Variants in ACOX3 observed in about 807,000 individuals in gnomAD.
ACOX3 encodes the protein acyl-CoA oxidase 3, pristanoyl.
In ACOX3, 73 loss-of-function variants were observed where a neutral mutation model predicts 81.5. The ratio of observed to expected loss-of-function variants is 0.90; its 90% CI spans 0.74 to 1.09. The LOEUF (loss-of-function observed/expected upper bound fraction) is 1.09, where lower values mean the gene tolerates loss of function less well. Among genes scored for constraint, ACOX3 ranks in the 50% least tolerant of loss-of-function variants. The pLI is 0.00. For synonymous variants in ACOX3, 387 were observed against 375.1 expected, an observed-to-expected ratio of 1.03 and a Z score of -0.37; for missense variants, 947 against 928.0, an observed-to-expected ratio of 1.02 and a Z score of -0.27.
In ACOX3 at chr4:8,415,783, A is replaced by G; in HGVS notation, c.361T>C (p.Tyr121His). The change falls in exon 3 of 18, where the codon TAC becomes CAC. Residue 121 changes from tyrosine to histidine, a missense_variant. Physicochemically the swap from Tyr to His is moderately conservative, Grantham distance 83. Transcript: ENST00000356406. ...ATGCTCACCAAGCTATGGAGGAGGT[A>G]CTTGGCAGCCAGAGAAGAGTCATAC... The part of the protein sequence containing the change: ...GMYDSSLAAK[Y>H]LLHSLVFGSA... 6.2e-7 allele frequency: 1 copy of G among 1,614,032 alleles called. No individual in the cohort carries two copies. Among genetic ancestry groups the G allele is most frequent in the Non-Finnish European group, 8.5e-7 (1 of 1,179,954 alleles).
rs528283456 is a variant in ACOX3 at position 8,416,576 on chromosome 4, A to G, written c.-14-41T>C. On this transcript the variant is annotated intron_variant, in intron 1 of 17. Coordinates refer to ENST00000356406, the MANE Select transcript of ACOX3 (RefSeq NM_003501.3). The surrounding 1 kb of genome is among the most constrained non-coding windows in gnomAD (Gnocchi z 4.2). ...AACCTGAATCCATGCTCTCCCATCT[A>G]TGGGTTCAAACTACCCCCACCAACA... The G allele has an allele frequency of 1.3e-6, 2 of 1,524,598 alleles. No individual in the cohort carries two copies. The highest frequency in any genetic ancestry group is 2.3e-5 in the East Asian group (1 of 43,506). The allele number at this position is 1,524,598 out of a possible 1,614,324, so 94.4% of individuals were successfully genotyped here.
rs896106484 is a variant in ACOX3, at chr4:8,407,594, C to T, written c.688-1551G>A. On this transcript the variant is annotated intron_variant, in intron 6 of 17. Coordinates refer to ENST00000356406, the MANE Select transcript of ACOX3 (RefSeq NM_003501.3). This position sits in a 1 kb window ranked among gnomAD's most constrained non-coding sequence, Gnocchi z 4.6. ...CTGTGGCAGCCATGAGAGACTAACA[C>T]GGGGGCCGGTGCTGCCGGGAGGACG... is the stretch of plus-strand genomic sequence containing the variant. 1.5e-4 allele frequency among the ~76,000 whole-genome samples: 23 copies of T among 152,334 alleles called. No individual in the cohort carries two copies. Among genetic ancestry groups the T allele is most frequent in the African/African-American group, 3.4e-4 (14 of 41,578 alleles).
At chr4:8,439,617 T>C (rs760814825) in intron 1 of ACOX3, among the ~76,000 whole-genome samples, 1 of 152,228 alleles carries the variant, frequency 6.6e-6, no homozygotes, top group Non-Finnish European at 1.5e-5. Flanking sequence ...GTAAAAAAAC[T>C]AACCTGCTTA....
At position 8,375,156 on chromosome 4, in the gene ACOX3, G is replaced by A. The variant is rs1188612716; in HGVS notation, c.1654-4C>T. 1 of 1,539,186 alleles carries A rather than the reference G, an allele frequency of 6.5e-7. No individual in the cohort carries two copies. The highest frequency in any genetic ancestry group is 8.8e-7 in the Non-Finnish European group (1 of 1,138,566). Reference sequence around the variant, plus strand: ...CCAACGGACGGCCGTGGGACACCTGGAACACAGGACGGCACCGTGAGGACC... The same window carrying A: ...CCAACGGACGGCCGTGGGACACCTGAAACACAGGACGGCACCGTGAGGACC... On this transcript the variant is annotated splice_polypyrimidine_tract_variant and splice_region_variant and intron_variant, in intron 14 of 17. Coordinates refer to ENST00000356406, the MANE Select transcript of ACOX3 (RefSeq NM_003501.3).
chr4:8,359,103 A>G, the ACOX3 span, among the ~76,000 whole-genome samples: 1 of 152,098 alleles, frequency 6.6e-6, no homozygotes, highest in African/African-American at 2.4e-5. This position sits in a 1 kb window ranked among gnomAD's most constrained non-coding sequence, Gnocchi z 6.0. Context: ...CTTTCTGGCG[A>G]CCACAGAAGT....
At chr4:8,435,892 G>T (rs1440057877) in intron 1 of ACOX3, among the ~76,000 whole-genome samples, 2 of 152,072 alleles carry the variant, frequency 1.3e-5, no homozygotes, top group East Asian at 3.9e-4. Context: ...TGAGAAACGA[G>T]ATTAAGGAGC....
In ACOX3 at chr4:8,431,107, C is replaced by G. The variant is rs552252112; in HGVS notation, c.-15+9541G>C. Among the ~76,000 whole-genome samples, 1 of 152,262 alleles carries G rather than the reference C, an allele frequency of 6.6e-6. No homozygotes were observed. Among genetic ancestry groups the G allele is most frequent in the East Asian group, 1.9e-4 (1 of 5,184 alleles). ...TTCTATTTAAGTTAGGGCATCATCA[C>G]AAAATGACATGGAGAAAACAAAGCA... On this transcript the variant is annotated intron_variant, in intron 1 of 17. Transcript: ENST00000356406. This position sits in a 1 kb window ranked among gnomAD's most constrained non-coding sequence, Gnocchi z 5.3.
At chr4:8,395,363 C>CGTGGACAGGTGGGTGGATGT (rs1719577900) in intron 9 of ACOX3, among the ~76,000 whole-genome samples, 1 of 76,626 alleles carries the variant, frequency 1.3e-5, no homozygotes, top group African/African-American at 5.2e-5. Flanking sequence ...TGGGTGGATG[C>CGTGGACAGGTGGGTGGATGT]GTGGACAGGT....
At chr4:8,373,936 C>A in intron 15 of ACOX3, 1 of 423,324 alleles carries the variant, frequency 2.4e-6, no homozygotes, top group Non-Finnish European at 4.3e-6. Context: ...TTCAGGGAGG[C>A]TGGGCGGGTT....
chr4:8,410,181 G>A, intron 6 of ACOX3, 31 bp downstream of exon 6: 1 of 1,603,974 alleles, frequency 6.2e-7, no homozygotes, highest in Non-Finnish European at 8.5e-7. Context: ...GGTAAACACT[G>A]CCCCCACTGA....
rs2108934476 is a variant in ACOX3, at chr4:8,406,680, C to G, written c.688-637G>C. Among the ~76,000 whole-genome samples, 1 of 152,322 alleles carries G rather than the reference C, an allele frequency of 6.6e-6. No homozygotes were observed. On this transcript the variant is annotated intron_variant, in intron 6 of 17. Transcript: ENST00000356406. This position sits in a 1 kb window ranked among gnomAD's most constrained non-coding sequence, Gnocchi z 5.6. ...CCACTGGACAGGGGGCCCTTCCCTG[C>G]CTGGCAGCTGAGGCAGAGAGAGAGA...
the ACOX3 span, chr4:8,356,562 A>C: frequency 2.2e-6 from 1 of 456,450 alleles, no homozygotes; most frequent in Middle Eastern, 3.3e-4. Context: ...TGAAAGGAAA[A>C]CCACACACAC....
the ACOX3 span, chr4:8,357,298 C>T: frequency 2.2e-6 from 1 of 455,650 alleles, no homozygotes; most frequent in Non-Finnish European, 4.4e-6. Flanking sequence ...GCAGGGAGGA[C>T]TCTGGGGCAG....
Position 8,431,166 on chromosome 4 carries a change from C to T in ACOX3, c.-15+9482G>A, listed in dbSNP as rs1228214073. Among the ~76,000 whole-genome samples, 2 of 152,050 alleles carry T rather than the reference C, an allele frequency of 1.3e-5. No homozygotes were observed. The highest frequency in any genetic ancestry group is 2.9e-5 in the Non-Finnish European group (2 of 68,002). ...CAGCCTTGGCCAGGTCCTCAGGCTCCCCTCCCTTCTCTGCCTGTCCCTTTT... is the reference window on the plus strand; with the variant it reads ...CAGCCTTGGCCAGGTCCTCAGGCTCTCCTCCCTTCTCTGCCTGTCCCTTTT... On this transcript the variant is annotated intron_variant, in intron 1 of 17. Transcript: ENST00000356406. This position sits in a 1 kb window ranked among gnomAD's most constrained non-coding sequence, Gnocchi z 5.3.
chr4:8,400,286 A>G lies in ACOX3; in HGVS notation c.777-634T>C, dbSNP rs1384980764. ...ATAATAATAATAATAATAATAATAAAAGCATTGTGTATATGGTAAGTTGTA... is the reference window on the plus strand; with the variant it reads ...ATAATAATAATAATAATAATAATAAGAGCATTGTGTATATGGTAAGTTGTA... On this transcript the variant is annotated intron_variant, in intron 7 of 17. Coordinates refer to ENST00000356406, the MANE Select transcript of ACOX3 (RefSeq NM_003501.3). The surrounding 1 kb of genome is among the most constrained non-coding windows in gnomAD (Gnocchi z 4.4). Among the ~76,000 whole-genome samples the G allele has an allele frequency of 7.4e-6, 1 of 135,356 alleles. No individual in the cohort carries two copies. Among genetic ancestry groups the G allele is most frequent in the African/African-American group, 3.1e-5 (1 of 32,732 alleles). The allele number at this position is 135,356 out of a possible 152,430, so 88.8% of individuals were successfully genotyped here.
intron 1 of ACOX3, among the ~76,000 whole-genome samples, chr4:8,418,412 T>C (rs1468126701): frequency 2.0e-5 from 3 of 146,828 alleles, no homozygotes; most frequent in South Asian, 2.2e-4. Flanking sequence ...TGAACCAAGA[T>C]TGCACCACTG....
chr4:8,425,347 T>G (rs1003351681), intron 1 of ACOX3, among the ~76,000 whole-genome samples: 4 of 151,922 alleles, frequency 2.6e-5, no homozygotes, highest in African/African-American at 9.7e-5. Context: ...AGAAATAGGA[T>G]GGGGAACCTC....
intron 17 of ACOX3, among the ~76,000 whole-genome samples, chr4:8,369,073 A>G (rs1391235070): frequency 2.0e-5 from 3 of 152,056 alleles, no homozygotes; most frequent in African/African-American, 7.2e-5. Context: ...CCCCTCCATC[A>G]TGGGCAAGGT....
Position 8,394,821 on chromosome 4 carries a change from G to C in ACOX3, c.1057-79C>G. 1 of 1,537,894 alleles carries C rather than the reference G, an allele frequency of 6.5e-7. No homozygotes were observed. Among genetic ancestry groups the C allele is most frequent in the Non-Finnish European group, 8.8e-7 (1 of 1,138,672 alleles). On this transcript the variant is annotated intron_variant, in intron 9 of 17. Transcript: ENST00000356406. This position sits in a 1 kb window ranked among gnomAD's most constrained non-coding sequence, Gnocchi z 5.9. ...CCCATCCCAGGGACCATGAAAGCCA[G>C]TGCAGGGAGAGGCCGTCAGGGCCAC...
Sources: allele counts gnomAD v4.1 joint callset (sites outside exome capture counted in the v4.1 genomes callset), GRCh38; gene constraint gnomAD v4.1.1; non-coding constraint Gnocchi (gnomAD v3.1); transcripts MANE v1.5; gene names NCBI Gene and HGNC (gene_info 2026-07-23, HGNC 2026-07-21).